The following RBFOX1 variants were observed in gnomAD, a reference collection of about 807,000 sequenced individuals.
RBFOX1 encodes RNA binding protein fox-1 homolog 1.
In RBFOX1, 8 loss-of-function variants were observed where a neutral mutation model predicts 57.7. The ratio of observed to expected loss-of-function variants is 0.14; its 90% CI spans 0.08 to 0.25. The LOEUF (loss-of-function observed/expected upper bound fraction) is 0.25. Ranked by LOEUF, RBFOX1 falls within the 10% of genes least tolerant of loss-of-function variation. The pLI is 1.00. For missense variants in RBFOX1, 611 were observed against 548.5 expected (o/e 1.11, Z -1.14); for synonymous variants, 326 against 222.4 (o/e 1.47, Z -4.15).
At chr16:6,391,621 G>A (rs919780837) in intron 2 of RBFOX1, among the ~76,000 whole-genome samples, 6 of 152,086 alleles carry the variant, frequency 3.9e-5, no homozygotes, top group African/African-American at 1.4e-4. Flanking sequence ...AAGGAAAAAA[G>A]TTCATGGTCC....
At chr16:6,715,733 T>C (rs926293661) in intron 3 of RBFOX1, among the ~76,000 whole-genome samples, 3 of 149,394 alleles carry the variant, frequency 2.0e-5, no homozygotes, top group African/African-American at 7.7e-5. Context: ...GGGTGGTTTT[T>C]ATCCAGTGAA....
At chr16:5,811,591 C>T (rs1297659550) in intron 3 of RBFOX1, among the ~76,000 whole-genome samples, 2 of 151,954 alleles carry the variant, frequency 1.3e-5, no homozygotes, top group Non-Finnish European at 2.9e-5. Context: ...GCTGGGATTA[C>T]AGGCATGCAC....
intron 4 of RBFOX1, among the ~76,000 whole-genome samples, chr16:5,998,786 C>A (rs974314772): frequency 2.0e-5 from 3 of 152,186 alleles, no homozygotes; most frequent in African/African-American, 7.2e-5. Context: ...GGTCTGTCGG[C>A]ATCTTCTTGG....
At chr16:5,744,681 C>T (rs1030039122) in intron 3 of RBFOX1, among the ~76,000 whole-genome samples, 8 of 152,148 alleles carry the variant, frequency 5.3e-5, no homozygotes, top group African/African-American at 1.7e-4. Context: ...AAATAAAAGG[C>T]TTTTGCCACC....
intron 4 of RBFOX1, among the ~76,000 whole-genome samples, chr16:7,371,785 C>T (rs2097571236): frequency 1.3e-5 from 2 of 152,138 alleles, no homozygotes; most frequent in South Asian, 4.1e-4. Context: ...ATATATGATA[C>T]ATACATGTGC....
chr16:5,718,329 C>T (rs1034314681), intron 3 of RBFOX1, among the ~76,000 whole-genome samples: 3 of 152,180 alleles, frequency 2.0e-5, no homozygotes, highest in Non-Finnish European at 4.4e-5. Flanking sequence ...CAGAGCTGCC[C>T]AGCTGAGCCC....
chr16:7,222,485 A>C (rs1317888285), intron 4 of RBFOX1, among the ~76,000 whole-genome samples: 1 of 152,196 alleles, frequency 6.6e-6, no homozygotes. Context: ...TTGGCAATGC[A>C]AGGAAGTGAC....
At chr16:7,560,515 A>AT in intron 5 of RBFOX1, among the ~76,000 whole-genome samples, 1 of 145,236 alleles carries the variant, frequency 6.9e-6, no homozygotes, top group South Asian at 2.2e-4. Flanking sequence ...CATATCTTGC[A>AT]TTTTTATGTA....
chr16:7,056,052 G>C (rs2052111355), intron 4 of RBFOX1, among the ~76,000 whole-genome samples: 1 of 152,004 alleles, frequency 6.6e-6, no homozygotes, highest in Admixed American at 6.6e-5. Flanking sequence ...TGTGTAATTT[G>C]GACTGCACTG....
intron 14 of RBFOX1, among the ~76,000 whole-genome samples, chr16:7,705,441 C>G (rs975390006): frequency 1.3e-5 from 2 of 151,796 alleles, no homozygotes; most frequent in Non-Finnish European, 2.9e-5. Context: ...AGGGACGGAG[C>G]TTGCAGTGAG....
chr16:7,588,618 C>T (rs577143268), intron 7 of RBFOX1, among the ~76,000 whole-genome samples: 9 of 152,176 alleles, frequency 5.9e-5, no homozygotes, highest in Admixed American at 1.3e-4. Context: ...ATAGTGATTT[C>T]AGCCCATTGA....
chr16:5,343,549 C>T (rs1011526843), intron 1 of RBFOX1, among the ~76,000 whole-genome samples: 2 of 151,930 alleles, frequency 1.3e-5, no homozygotes, highest in Non-Finnish European at 2.9e-5. Context: ...TCTTGATATC[C>T]TGTCCTCGTG....
intron 2 of RBFOX1, among the ~76,000 whole-genome samples, chr16:6,607,181 G>C (rs1171293714): frequency 6.6e-6 from 1 of 152,186 alleles, no homozygotes; most frequent in East Asian, 1.9e-4. Context: ...GAACAGATGA[G>C]TGTTCATCTG....
At chr16:5,446,701 C>T (rs1388723028) in intron 1 of RBFOX1, among the ~76,000 whole-genome samples, 1 of 152,064 alleles carries the variant, frequency 6.6e-6, no homozygotes, top group Non-Finnish European at 1.5e-5. Flanking sequence ...GGAAGTATTG[C>T]AGTACTCCAA....
At chr16:7,242,644 A>C (rs1039371877) in intron 4 of RBFOX1, among the ~76,000 whole-genome samples, 6 of 152,228 alleles carry the variant, frequency 3.9e-5, no homozygotes, top group Middle Eastern at 3.2e-3. Flanking sequence ...CTCAGCATGC[A>C]GTCAATTCAG....
At position 5,748,137 on chromosome 16, in the gene RBFOX1, G is replaced by A. The variant is rs564037564; in HGVS notation, c.319-119166G>A. ...CTGCCTTCATTTCGTTATGTACCCA[G>A]TAGTCTTTCAGGAGCAGGTTGTTCA... On this transcript the variant is annotated intron_variant, in intron 3 of 19. Transcript: ENST00000641259. Among the ~76,000 whole-genome samples, 141 of 152,288 alleles carry A rather than the reference G, an allele frequency of 9.3e-4. 1 individual carries two copies. The highest frequency in any genetic ancestry group is 3.3e-3 in the African/African-American group (138 of 41,532).
At chr16:7,290,840 G>C (rs1025655765) in intron 4 of RBFOX1, among the ~76,000 whole-genome samples, 5 of 152,184 alleles carry the variant, frequency 3.3e-5, no homozygotes, top group African/African-American at 1.2e-4. Flanking sequence ...TAAGCCTTCT[G>C]AGTCTCAGCA....
intron 5 of RBFOX1, among the ~76,000 whole-genome samples, chr16:7,572,319 G>T (rs768253250): frequency 1.3e-5 from 2 of 152,174 alleles, no homozygotes; most frequent in African/African-American, 4.8e-5. Context: ...CAGACTTGCA[G>T]GTCGCTCATG....
intron 3 of RBFOX1, among the ~76,000 whole-genome samples, chr16:6,752,190 T>C (rs574247959): frequency 2.0e-5 from 3 of 152,320 alleles, no homozygotes; most frequent in Admixed American, 1.3e-4. Flanking sequence ...TCTTGTAGCA[T>C]GTGCTGGCTT....
Sources: gnomAD v4.1 joint callset for allele counts (sites outside exome capture counted in the v4.1 genomes callset) on GRCh38, gnomAD v4.1.1 for gene constraint, MANE v1.5 for transcripts, NCBI Gene and HGNC (gene_info 2026-07-23, HGNC 2026-07-21) for gene names.